The following DTWD2 variants were observed in gnomAD, a reference collection of about 807,000 sequenced individuals.
DTWD2 encodes the protein DTW motif tRNA-uridine aminocarboxypropyltransferase 2.
Under a neutral mutation model 31.8 loss-of-function variants are expected in DTWD2, and 39 were observed. That is an observed-to-expected ratio of 1.22 (90% confidence interval 0.95 to 1.60). The LOEUF (loss-of-function observed/expected upper bound fraction) is 1.60. Among genes scored for constraint, DTWD2 ranks in the 40% most tolerant of loss-of-function variants. The pLI, the probability that DTWD2 is intolerant of heterozygous loss-of-function variation, is 0.00. For missense variants in DTWD2, 515 were observed against 381.5 expected, an observed-to-expected ratio of 1.35 and a Z score of -2.92; for synonymous variants, 180 against 142.8, an observed-to-expected ratio of 1.26 and a Z score of -1.86.
At chr5:118,952,463 C>T (rs538661590) in intron 1 of DTWD2, among the ~76,000 whole-genome samples, 7 of 152,058 alleles carry the variant, frequency 4.6e-5, no homozygotes, top group South Asian at 2.1e-4. Flanking sequence ...GGTTGTTCTC[C>T]GGCAAGCAGG....
At chr5:118,948,488 C>T (rs1754389057) in intron 1 of DTWD2, among the ~76,000 whole-genome samples, 1 of 151,810 alleles carries the variant, frequency 6.6e-6, no homozygotes, top group Admixed American at 6.6e-5. Context: ...CTCAAAAAAA[C>T]AAAAACAAAA....
intron 4 of DTWD2, among the ~76,000 whole-genome samples, chr5:118,889,036 T>A: frequency 6.6e-6 from 1 of 152,344 alleles, no homozygotes; most frequent in South Asian, 2.1e-4. Context: ...TCTCAGTATG[T>A]GATTTGTCTT....
intron 1 of DTWD2, among the ~76,000 whole-genome samples, chr5:118,954,730 TG>T (rs1265733956): frequency 6.6e-6 from 1 of 152,038 alleles, no homozygotes; most frequent in East Asian, 1.9e-4. Context: ...TTTGTAGAGG[TG>T]AAGTTTCTCA....
intron 1 of DTWD2, among the ~76,000 whole-genome samples, chr5:118,961,396 G>GT (rs2149593231): frequency 6.6e-6 from 1 of 152,098 alleles, no homozygotes; most frequent in Non-Finnish European, 1.5e-5. Context: ...TATTTCCATA[G>GT]TTTGTCTTAA....
At chr5:118,876,531 T>C (rs1441083930) in intron 4 of DTWD2, among the ~76,000 whole-genome samples, 1 of 151,580 alleles carries the variant, frequency 6.6e-6, no homozygotes, top group Non-Finnish European at 1.5e-5. Flanking sequence ...ATAAATACAA[T>C]CAGAAACGAC....
At chr5:118,936,066 A>C (rs537045222) in intron 3 of DTWD2, among the ~76,000 whole-genome samples, 138 of 152,344 alleles carry the variant, frequency 9.1e-4, no homozygotes, top group African/African-American at 3.2e-3. Context: ...AGAAATCAAA[A>C]TAAACATAAT....
rs770102181 is a variant in DTWD2, at chr5:118,838,321, T to C, written c.*2596A>G. 1 of 152,184 alleles carries C rather than the reference T, an allele frequency of 6.6e-6. No individual in the cohort carries two copies. The highest frequency in any genetic ancestry group is 1.5e-5 in the Non-Finnish European group (1 of 68,028). The allele number at this position is 152,184 out of a possible 1,614,324, so 9.4% of individuals were successfully genotyped here. The stretch of plus-strand genomic sequence containing the variant: ...AACTCACAAAACGATCTACACAACA[T>C]CAAAGTGCAGATGGGGTACACAAGT... On this transcript the variant is annotated 3_prime_UTR_variant, in exon 6 of 6. Coordinates refer to ENST00000510708, the MANE Select transcript of DTWD2 (RefSeq NM_173666.4).
At chr5:118,893,597 T>G (rs1221168379) in intron 4 of DTWD2, among the ~76,000 whole-genome samples, 1 of 152,124 alleles carries the variant, frequency 6.6e-6, no homozygotes, top group Non-Finnish European at 1.5e-5. Flanking sequence ...ATTAAAGATG[T>G]TCAGATGGGG....
At chr5:118,981,757 G>A (rs758797549) in intron 1 of DTWD2, among the ~76,000 whole-genome samples, 1 of 152,058 alleles carries the variant, frequency 6.6e-6, no homozygotes, top group African/African-American at 2.4e-5. Flanking sequence ...GACAGACAAA[G>A]AATTCAGGAG....
At chr5:118,937,545 T>C (rs778127157) in intron 3 of DTWD2, among the ~76,000 whole-genome samples, 2 of 152,236 alleles carry the variant, frequency 1.3e-5, no homozygotes, top group East Asian at 3.8e-4. Context: ...GTTTGCCATA[T>C]AGCCTACTTG....
chr5:118,880,066 C>T (rs1752708378), intron 4 of DTWD2, among the ~76,000 whole-genome samples: 1 of 152,144 alleles, frequency 6.6e-6, no homozygotes, highest in Non-Finnish European at 1.5e-5. Context: ...AAGATAACTA[C>T]AAATGAAGAA....
intron 2 of DTWD2, among the ~76,000 whole-genome samples, chr5:118,939,652 A>C (rs1311237455): frequency 1.3e-5 from 2 of 152,230 alleles, no homozygotes; most frequent in Non-Finnish European, 2.9e-5. Context: ...TGCCAGCTTG[A>C]AGATAATTGC....
chr5:118,864,818 A>G (rs900059866), intron 4 of DTWD2, among the ~76,000 whole-genome samples: 2 of 152,136 alleles, frequency 1.3e-5, no homozygotes, highest in Non-Finnish European at 1.5e-5. Flanking sequence ...TATTATGTGT[A>G]AAAACTGCAC....
At chr5:118,924,716 T>C (rs1196321869) in intron 4 of DTWD2, among the ~76,000 whole-genome samples, 5 of 152,252 alleles carry the variant, frequency 3.3e-5, no homozygotes, top group Admixed American at 1.3e-4. Flanking sequence ...ATTGCCACTA[T>C]CATTTTACAA....
chr5:118,980,450 C>T (rs554149146), intron 1 of DTWD2, among the ~76,000 whole-genome samples: 2 of 152,326 alleles, frequency 1.3e-5, no homozygotes, highest in South Asian at 2.1e-4. Context: ...TTGCCAGTGT[C>T]CATGAAACTG....
chr5:118,959,270 TA>T (rs1188681892), intron 1 of DTWD2, among the ~76,000 whole-genome samples: 1 of 151,840 alleles, frequency 6.6e-6, no homozygotes, highest in Non-Finnish European at 1.5e-5. Flanking sequence ...AAAATCAATG[TA>T]AAAAAAATCA....
At chr5:118,884,790 AG>A (rs968581182) in intron 4 of DTWD2, among the ~76,000 whole-genome samples, 2 of 150,950 alleles carry the variant, frequency 1.3e-5, no homozygotes, top group African/African-American at 4.9e-5. Flanking sequence ...GAAGATCACA[AG>A]GTTAGGAGAT....
At chr5:118,922,133 G>C (rs543116822) in intron 4 of DTWD2, among the ~76,000 whole-genome samples, 65 of 152,284 alleles carry the variant, frequency 4.3e-4, no homozygotes, top group African/African-American at 1.6e-3. Context: ...CAAGGGTCTT[G>C]TGTATAAAAT....
chr5:118,931,214 G>C (rs1031640428), intron 3 of DTWD2, among the ~76,000 whole-genome samples: 1 of 151,970 alleles, frequency 6.6e-6, no homozygotes, highest in Non-Finnish European at 1.5e-5. Flanking sequence ...GCAACACAGT[G>C]AGACTCCCAT....
Sources: gnomAD v4.1 joint callset for allele counts (sites outside exome capture counted in the v4.1 genomes callset) on GRCh38, gnomAD v4.1.1 for gene constraint, MANE v1.5 for transcripts, NCBI Gene and HGNC (gene_info 2026-07-23, HGNC 2026-07-21) for gene names.